Variants in MTUS2 observed in about 807,000 individuals in gnomAD.
The protein encoded by MTUS2 is microtubule associated scaffold protein 2.
In MTUS2, 40 loss-of-function variants were observed where a neutral mutation model predicts 114.1. The observed-to-expected ratio is 0.35, with a 90% CI of 0.27 to 0.46. The LOEUF (loss-of-function observed/expected upper bound fraction) is 0.46. MTUS2 is among the 20% of genes least tolerant of loss of function. The pLI is 1.00. For missense variants in MTUS2, 1,679 were observed against 1,705.4 expected (o/e 0.98, Z 0.27); for synonymous variants, 688 against 672.0 (o/e 1.02, Z -0.37).
intron 5 of MTUS2, among the ~76,000 whole-genome samples, chr13:29,253,468 T>A (rs1032398383): frequency 1.3e-5 from 2 of 151,910 alleles, no homozygotes; most frequent in Non-Finnish European, 2.9e-5. Context: ...AAAAATCACA[T>A]CCTCCTGTGG....
chr13:29,288,912 C>T (rs1008206658), intron 6 of MTUS2, among the ~76,000 whole-genome samples: 17 of 152,314 alleles, frequency 1.1e-4, no homozygotes, highest in Non-Finnish European at 2.5e-4. Flanking sequence ...GACTGCAAAA[C>T]AGCCAAATCT....
intron 5 of MTUS2, among the ~76,000 whole-genome samples, chr13:29,179,376 A>ATT (rs1893904191): frequency 6.6e-6 from 1 of 152,208 alleles, no homozygotes; most frequent in South Asian, 2.1e-4. Flanking sequence ...CTTAAATATA[A>ATT]AGGGAGTTAA....
At chr13:28,934,478 A>G (rs572626553) in intron 2 of MTUS2, among the ~76,000 whole-genome samples, 73 of 152,154 alleles carry the variant, frequency 4.8e-4, no homozygotes, top group African/African-American at 1.6e-3. Flanking sequence ...TTTACCTCGG[A>G]GAAGTTCTCA....
intron 2 of MTUS2, among the ~76,000 whole-genome samples, chr13:28,841,662 T>TG (rs1875496165): frequency 6.7e-6 from 1 of 150,346 alleles, no homozygotes; most frequent in Non-Finnish European, 1.5e-5. Context: ...AGTTAGTTCT[T>TG]TGTGTGTGTG....
At chr13:29,001,310 C>T (rs964522840) in intron 2 of MTUS2, among the ~76,000 whole-genome samples, 1 of 152,094 alleles carries the variant, frequency 6.6e-6, no homozygotes, top group Non-Finnish European at 1.5e-5. Flanking sequence ...GACATTGTTC[C>T]AGGGATCTCA....
At chr13:29,060,468 C>G (rs1888358427) in intron 4 of MTUS2, among the ~76,000 whole-genome samples, 1 of 151,746 alleles carries the variant, frequency 6.6e-6, no homozygotes, top group African/African-American at 2.4e-5. Flanking sequence ...AAGCTGGTAC[C>G]CAGCTTCACC....
At chr13:28,907,997 T>C (rs576553429) in intron 2 of MTUS2, among the ~76,000 whole-genome samples, 2 of 151,650 alleles carry the variant, frequency 1.3e-5, no homozygotes, top group East Asian at 1.9e-4. Context: ...GATTTTTCTT[T>C]GTATTTAGTT....
chr13:29,418,022 T>A (rs2138579978), intron 8 of MTUS2, among the ~76,000 whole-genome samples: 1 of 151,718 alleles, frequency 6.6e-6, no homozygotes, highest in East Asian at 1.9e-4. Flanking sequence ...TTTTTGGTAC[T>A]CTTTTGTCTT....
chr13:29,341,132 G>A (rs904731899), intron 7 of MTUS2, among the ~76,000 whole-genome samples: 5 of 152,158 alleles, frequency 3.3e-5, no homozygotes, highest in African/African-American at 9.7e-5. Flanking sequence ...TATCTTTTCT[G>A]TAAAATGAAT....
chr13:28,844,507 G>C (rs1413252437), intron 2 of MTUS2, among the ~76,000 whole-genome samples: 1 of 151,684 alleles, frequency 6.6e-6, no homozygotes, highest in African/African-American at 2.4e-5. Context: ...GGCCTTTTCA[G>C]AAGTACTCGT....
rs372138779 is a variant in MTUS2 at position 29,152,088 on chromosome 13, G to A, written c.2644+51118G>A. On this transcript the variant is annotated intron_variant, in intron 5 of 15. Transcript: ENST00000612955. ...GTCCTTCCTCCTTGATTTTTTTTGG[G>A]GGGGAATAGTTTCAGTAGGATTGGT... Among the ~76,000 whole-genome samples, 3 of 152,028 alleles carry A rather than the reference G, an allele frequency of 2.0e-5. No individual in the cohort carries two copies. The East Asian group carries it at 5.8e-4, about 29-fold the overall frequency.
At chr13:28,844,794 T>G (rs1345713463) in intron 2 of MTUS2, among the ~76,000 whole-genome samples, 1 of 152,052 alleles carries the variant, frequency 6.6e-6, no homozygotes, top group African/African-American at 2.4e-5. Flanking sequence ...TTTTTTTGTA[T>G]TTTAGTAGAG....
intron 2 of MTUS2, among the ~76,000 whole-genome samples, chr13:28,923,760 C>T (rs1235378161): frequency 2.0e-5 from 3 of 152,154 alleles, no homozygotes; most frequent in East Asian, 1.9e-4. Flanking sequence ...ACCTAGTTCA[C>T]TTGTGATGAG....
intron 12 of MTUS2, among the ~76,000 whole-genome samples, chr13:29,495,132 C>T (rs1453930303): frequency 7.1e-6 from 1 of 139,954 alleles, no homozygotes. Context: ...AGCAGTGAGC[C>T]GTGATCGCGC....
chr13:29,438,634 G>A (rs565764775), intron 8 of MTUS2, among the ~76,000 whole-genome samples: 1 of 152,196 alleles, frequency 6.6e-6, no homozygotes, highest in South Asian at 2.1e-4. Flanking sequence ...TCAGCTTGGA[G>A]GTGAGGATTT....
At chr13:29,353,093 T>A (rs1362651934) in intron 7 of MTUS2, among the ~76,000 whole-genome samples, 1 of 152,242 alleles carries the variant, frequency 6.6e-6, no homozygotes, top group African/African-American at 2.4e-5. Context: ...TGTATAACCC[T>A]GCTTGTTTAC....
At chr13:29,023,876 T>C (rs1886395439) in intron 2 of MTUS2, among the ~76,000 whole-genome samples, 1 of 152,216 alleles carries the variant, frequency 6.6e-6, no homozygotes, top group Admixed American at 6.5e-5. Flanking sequence ...GTCCGTAATG[T>C]CAGTTTCATT....
At chr13:29,066,069 G>T (rs769495818) in intron 4 of MTUS2, among the ~76,000 whole-genome samples, 1 of 152,138 alleles carries the variant, frequency 6.6e-6, no homozygotes, top group Non-Finnish European at 1.5e-5. Context: ...TGTCCTAAGG[G>T]CCTTTTATTT....
intron 2 of MTUS2, among the ~76,000 whole-genome samples, chr13:28,851,153 C>T (rs1876239557): frequency 6.6e-6 from 1 of 152,140 alleles, no homozygotes; most frequent in African/African-American, 2.4e-5. Flanking sequence ...TGTTTCTTAG[C>T]AGTAAAGCCT....
Sources: gnomAD v4.1 joint callset for allele counts (sites outside exome capture counted in the v4.1 genomes callset) on GRCh38, gnomAD v4.1.1 for gene constraint, MANE v1.5 for transcripts, NCBI Gene and HGNC (gene_info 2026-07-23, HGNC 2026-07-21) for gene names.